The following NRXN1 variants were observed in gnomAD, a reference collection of about 807,000 sequenced individuals.
NRXN1 encodes the protein neurexin-1.
A neutral mutation model predicts 150.9 loss-of-function variants in NRXN1; 39 were observed. The observed-to-expected ratio is 0.26, with a 90% CI of 0.20 to 0.34. NRXN1 has a LOEUF of 0.34. Ranked by LOEUF, NRXN1 falls within the 10% of genes least tolerant of loss-of-function variation. NRXN1 has a pLI of 1.00. For synonymous variants in NRXN1, 924 were observed against 757.0 expected, an observed-to-expected ratio of 1.22 and a Z score of -3.62; for missense variants, 1,815 against 1,949.9, an observed-to-expected ratio of 0.93 and a Z score of 1.30.
At position 50,970,227 on chromosome 2, in the gene NRXN1, TG is replaced by T. The variant is rs1694791499; in HGVS notation, c.773-44273del. ...GGGTTCTAGTTTCTGTGACCTGCCTTGGGGAAGAGGGATTATAGGTTCTATG... is the reference window on the plus strand; with the variant it reads ...GGGTTCTAGTTTCTGTGACCTGCCTTGGGAAGAGGGATTATAGGTTCTATG... On this transcript the variant is annotated intron_variant, in intron 2 of 22. Coordinates refer to ENST00000401669, the MANE Select transcript of NRXN1 (RefSeq NM_001330078.2). Among the ~76,000 whole-genome samples the T allele has an allele frequency of 2.0e-5, 3 of 152,138 alleles. No individual in the cohort carries two copies. In the South Asian group the frequency reaches 6.2e-4, roughly 32 times the overall value.
At chr2:50,592,405 G>C (rs1446651488) in intron 8 of NRXN1, among the ~76,000 whole-genome samples, 1 of 151,954 alleles carries the variant, frequency 6.6e-6, no homozygotes, top group Admixed American at 6.5e-5. Flanking sequence ...AAGACAAAGA[G>C]AAAAGTAGTA....
rs199939303 is a variant in NRXN1 at position 50,538,418 on chromosome 2, C to T, written c.1978G>A (p.Ala660Thr). 9.9e-5 allele frequency: 159 copies of T among 1,613,850 alleles called. No individual in the cohort carries two copies. The highest frequency in any genetic ancestry group is 1.3e-4 in the Non-Finnish European group (153 of 1,179,882). ...DGQSKDIRQM[A>T]EVQSTAGVKP... is the part of the protein sequence containing the mutation. ...ACTCCAGCAGTACTTTGAACTTCAG[C>T]CATTTGCCGGATATCTTTGCTTTGG... Residue 660 changes from alanine (A) to threonine (T), a missense_variant, in exon 10 of 23, where the codon GCT becomes ACT. This residue lies in a region of NRXN1 where 638 missense variants were observed against 652.6 expected (regional missense o/e 0.98). Coordinates refer to ENST00000401669, the MANE Select transcript of NRXN1 (RefSeq NM_001330078.2).
At chr2:51,020,895 T>C (rs1393253303) in intron 2 of NRXN1, among the ~76,000 whole-genome samples, 4 of 152,130 alleles carry the variant, frequency 2.6e-5, no homozygotes, top group Middle Eastern at 3.4e-3. Flanking sequence ...TAGAACTACA[T>C]GGAATCCATG....
At chr2:50,005,344 C>A (rs1684587271) in intron 21 of NRXN1, among the ~76,000 whole-genome samples, 3 of 152,116 alleles carry the variant, frequency 2.0e-5, no homozygotes, top group African/African-American at 7.2e-5. Flanking sequence ...GACTTTTCTG[C>A]AAATGTTAAA....
At position 50,538,384 on chromosome 2, in the gene NRXN1, G is replaced by A. The variant is rs200216280; in HGVS notation, c.2012C>T (p.Ser671Phe). 3 of 1,613,968 alleles carry A rather than the reference G, an allele frequency of 1.9e-6. No homozygotes were observed. Among genetic ancestry groups the A allele is most frequent in the South Asian group, 1.1e-5 (1 of 91,088 alleles). ...CGGTTTTGCTGTTTCCTTTGAGCAGGAAGGCTTCACTCCAGCAGTACTTTG... is the reference window on the plus strand; with the variant it reads ...CGGTTTTGCTGTTTCCTTTGAGCAGAAAGGCTTCACTCCAGCAGTACTTTG... ...EVQSTAGVKP[S>F]CSKETAKPCL... The change falls in exon 10 of 23, where the codon TCC (serine) becomes TTC (phenylalanine). Residue 671 changes from serine to phenylalanine, a missense_variant. Physicochemically the swap from Ser to Phe is radical, Grantham distance 155. This residue lies in a region of NRXN1 where 638 missense variants were observed against 652.6 expected (regional missense o/e 0.98). Coordinates refer to ENST00000401669, the MANE Select transcript of NRXN1 (RefSeq NM_001330078.2).
At chr2:50,687,740 T>C (rs1329442998) in intron 5 of NRXN1, among the ~76,000 whole-genome samples, 1 of 152,174 alleles carries the variant, frequency 6.6e-6, no homozygotes, top group Admixed American at 6.6e-5. Context: ...AGGGTTGAGG[T>C]TGTTGTGAGA....
intron 21 of NRXN1, among the ~76,000 whole-genome samples, chr2:49,963,435 A>AAAAGCTAAG (rs1371646326): frequency 5.3e-5 from 8 of 152,214 alleles, no homozygotes. Flanking sequence ...AAGGAAGGAG[A>AAAAGCTAAG]AAAGCTAAGA....
intron 5 of NRXN1, among the ~76,000 whole-genome samples, chr2:50,716,007 G>A (rs769191006): frequency 6.6e-6 from 1 of 152,108 alleles, no homozygotes; most frequent in Non-Finnish European, 1.5e-5. Context: ...AAGAACATGA[G>A]TTAGACCTTT....
intron 19 of NRXN1, among the ~76,000 whole-genome samples, chr2:50,071,536 AC>A (rs1213074189): frequency 1.3e-5 from 2 of 152,136 alleles, no homozygotes; most frequent in Non-Finnish European, 2.9e-5. Context: ...CTATGTGAAA[AC>A]CCAGCAAGAA....
intron 19 of NRXN1, among the ~76,000 whole-genome samples, chr2:50,076,120 T>A (rs1270614781): frequency 6.6e-6 from 1 of 152,216 alleles, no homozygotes; most frequent in African/African-American, 2.4e-5. Flanking sequence ...TTGAACTATG[T>A]CTTTCTTAGT....
chr2:50,373,628 AAG>A (rs1328006685), intron 17 of NRXN1, among the ~76,000 whole-genome samples: 1 of 39,940 alleles, frequency 2.5e-5, no homozygotes, highest in African/African-American at 7.9e-5. Context: ...AGAGAAAGAA[AAG>A]AAAGAAAGAA....
intron 5 of NRXN1, among the ~76,000 whole-genome samples, chr2:50,704,224 T>C (rs1286614838): frequency 2.6e-5 from 4 of 152,216 alleles, no homozygotes; most frequent in East Asian, 1.9e-4. Flanking sequence ...AAAAGATTGA[T>C]ACTAATCCAA....
intron 17 of NRXN1, among the ~76,000 whole-genome samples, chr2:50,241,109 T>A (rs1559154147): frequency 6.6e-6 from 1 of 151,630 alleles, no homozygotes; most frequent in Non-Finnish European, 1.5e-5. Flanking sequence ...TCAGTAATAG[T>A]TGACAATGGA....
chr2:50,804,514 T>C (rs1026103408), intron 5 of NRXN1, among the ~76,000 whole-genome samples: 2 of 152,190 alleles, frequency 1.3e-5, no homozygotes, highest in African/African-American at 4.8e-5. Context: ...AATCTGAAAC[T>C]TTTTCAAATA....
At chr2:50,109,866 T>A (rs1444714011) in intron 18 of NRXN1, among the ~76,000 whole-genome samples, 2 of 152,198 alleles carry the variant, frequency 1.3e-5, no homozygotes, top group East Asian at 1.9e-4. Context: ...CAAAATGATG[T>A]TTCCTCGGTT....
intron 15 of NRXN1, 123 bp from the exon 16 acceptor site, chr2:50,472,594 C>A: frequency 1.4e-6 from 1 of 703,592 alleles, no homozygotes; most frequent in Non-Finnish European, 2.2e-6. Context: ...TAATTTATGA[C>A]TAGCTGTTTT....
Position 50,219,985 on chromosome 2 carries a change from T to TA in NRXN1, c.3546+16803_3546+16804insT, listed in dbSNP as rs374396736. 9.2e-3 allele frequency among the ~76,000 whole-genome samples: 478 copies of TA among 51,702 alleles called. 7 individuals are homozygous for TA. The highest frequency in any genetic ancestry group is 0.038 in the African/African-American group (459 of 12,052). 33.9% of individuals were successfully genotyped at this position (51,702 alleles called of 152,430 possible). ...ATATTATATATATATAATATATATA[T>TA]TATATATAATATATATTATATAATA... On this transcript the variant is annotated intron_variant, in intron 18 of 22. Transcript: ENST00000401669.
At chr2:50,308,553 T>C (rs998557418) in intron 17 of NRXN1, among the ~76,000 whole-genome samples, 1 of 152,068 alleles carries the variant, frequency 6.6e-6, no homozygotes, top group African/African-American at 2.4e-5. Flanking sequence ...GGAGTCTTGC[T>C]ATGTTGCCCA....
In NRXN1 at chr2:50,220,004, TATA is replaced by T. The variant is rs202042500; in HGVS notation, c.3546+16782_3546+16784del. On this transcript the variant is annotated intron_variant, in intron 18 of 22. Transcript: ENST00000401669. Reference sequence around the variant, plus strand: ...TATATATTATATATAATATATATTATATAATATATTATATATATATATAAAGAA... The same window carrying T: ...TATATATTATATATAATATATATTATATATATTATATATATATATAAAGAA... Among the ~76,000 whole-genome samples, 303 of 38,144 alleles carry T rather than the reference TATA, an allele frequency of 7.9e-3. 7 individuals carry two copies. Among genetic ancestry groups the T allele is most frequent in the African/African-American group, 0.027 (221 of 8,158 alleles). The allele number at this position is 38,144 out of a possible 152,430, so 25.0% of individuals were successfully genotyped here.
Sources: gnomAD v4.1 joint callset for allele counts (sites outside exome capture counted in the v4.1 genomes callset) on GRCh38, gnomAD v4.1.1 for gene constraint, gnomAD v4.1.1 regional missense constraint, MANE v1.5 for transcripts, NCBI Gene and HGNC (gene_info 2026-07-23, HGNC 2026-07-21) for gene names.